Variants in SEMA3E observed in about 807,000 individuals in gnomAD.
SEMA3E encodes the protein semaphorin-3E.
Under a neutral mutation model 93.6 loss-of-function variants are expected in SEMA3E, and 49 were observed. The ratio of observed to expected loss-of-function variants is 0.52; its 90% CI spans 0.42 to 0.66. The LOEUF is 0.66. Ranked by LOEUF, SEMA3E falls within the 30% of genes least tolerant of loss-of-function variation. The probability of loss-of-function intolerance (pLI) is 0.00; values close to 1 mark genes in which losing one functional copy is unlikely to be tolerated. For synonymous variants in SEMA3E, 363 were observed against 330.7 expected, an observed-to-expected ratio of 1.10 and a Z score of -1.06; for missense variants, 906 against 964.8, an observed-to-expected ratio of 0.94 and a Z score of 0.81.
intron 5 of SEMA3E, among the ~76,000 whole-genome samples, chr7:83,411,134 T>C (rs940742619): frequency 2.3e-4 from 35 of 152,218 alleles, no homozygotes; most frequent in Middle Eastern, 6.8e-3. Context: ...ATTATCGTTT[T>C]AACCAATGCT....
chr7:83,533,320 T>TA (rs1791343187), intron 1 of SEMA3E, among the ~76,000 whole-genome samples: 1 of 152,076 alleles, frequency 6.6e-6, no homozygotes, highest in Non-Finnish European at 1.5e-5. Flanking sequence ...GGTGGGCAGA[T>TA]CACTTGAGGT....
intron 1 of SEMA3E, among the ~76,000 whole-genome samples, chr7:83,494,991 G>C (rs989083162): frequency 6.6e-6 from 1 of 151,822 alleles, no homozygotes; most frequent in African/African-American, 2.4e-5. Flanking sequence ...AATGTGTATG[G>C]GGTCAGAGCA....
rs1235976792 is a variant in SEMA3E at position 83,387,023 on chromosome 7, A to G, written c.1695T>C (p.His565=). The change falls in exon 15 of 17, where the codon CAT becomes CAC. Residue 565 remains histidine, a synonymous_variant. Coordinates refer to ENST00000643230, the MANE Select transcript of SEMA3E (RefSeq NM_012431.3). Reference sequence around the variant, plus strand: ...CAAAGCACTGCTGAGCTGCATTTCCATGTCGAACATCTTGTCTCCGGAAAC... The same window carrying G: ...CAAAGCACTGCTGAGCTGCATTTCCGTGTCGAACATCTTGTCTCCGGAAAC... ...KRRFRRQDVR[H]GNAAQQCFGQ... The G allele has an allele frequency of 1.7e-5, 27 of 1,613,352 alleles. No individual in the cohort carries two copies. Among genetic ancestry groups the G allele is most frequent in the South Asian group, 2.2e-5 (2 of 91,052 alleles).
At chr7:83,495,365 G>C (rs887723761) in intron 1 of SEMA3E, among the ~76,000 whole-genome samples, 1 of 151,780 alleles carries the variant, frequency 6.6e-6, no homozygotes, top group South Asian at 2.1e-4. Context: ...AGAGAAGAAT[G>C]CTTCTATTTC....
intron 1 of SEMA3E, among the ~76,000 whole-genome samples, chr7:83,623,928 T>G (rs1204364042): frequency 7.3e-6 from 1 of 137,276 alleles, no homozygotes; most frequent in Non-Finnish European, 1.5e-5. Flanking sequence ...CCTGTGCCCA[T>G]GTGTTCTCAT....
intron 1 of SEMA3E, among the ~76,000 whole-genome samples, chr7:83,639,489 G>A (rs1246449153): frequency 6.6e-6 from 1 of 151,792 alleles, no homozygotes; most frequent in Non-Finnish European, 1.5e-5. Flanking sequence ...AGCCCAGGCG[G>A]TAATTATAGC....
At chr7:83,420,262 A>C (rs756766124) in intron 4 of SEMA3E, among the ~76,000 whole-genome samples, 6 of 152,112 alleles carry the variant, frequency 3.9e-5, no homozygotes, top group Non-Finnish European at 7.4e-5. Flanking sequence ...CTACAAGGTG[A>C]AAGGCCTCTA....
At chr7:83,460,981 A>G (rs112927269) in intron 4 of SEMA3E, among the ~76,000 whole-genome samples, 4 of 152,110 alleles carry the variant, frequency 2.6e-5, no homozygotes, top group Admixed American at 6.5e-5. Context: ...TCAAAAACTT[A>G]AAAGCTCTTC....
intron 2 of SEMA3E, among the ~76,000 whole-genome samples, chr7:83,475,593 C>G (rs920917104): frequency 6.6e-6 from 1 of 152,110 alleles, no homozygotes; most frequent in African/African-American, 2.4e-5. Flanking sequence ...CGCATCACCC[C>G]CTGCAGGACC....
chr7:83,437,224 T>C (rs1430800013), intron 4 of SEMA3E, among the ~76,000 whole-genome samples: 1 of 152,110 alleles, frequency 6.6e-6, no homozygotes, highest in Admixed American at 6.5e-5. Flanking sequence ...ATAACTGGAT[T>C]GTCATCCAAA....
At chr7:83,420,437 A>C (rs1788650459) in intron 4 of SEMA3E, among the ~76,000 whole-genome samples, 1 of 152,198 alleles carries the variant, frequency 6.6e-6, no homozygotes, top group Non-Finnish European at 1.5e-5. Flanking sequence ...CATTTTTCAC[A>C]GAATTAGAAG....
chr7:83,572,524 A>G (rs957642448), intron 1 of SEMA3E, among the ~76,000 whole-genome samples: 3 of 152,272 alleles, frequency 2.0e-5, no homozygotes, highest in African/African-American at 7.2e-5. Context: ...TTGTAGTCCC[A>G]GCTACTTGGG....
intron 4 of SEMA3E, among the ~76,000 whole-genome samples, chr7:83,431,952 T>C (rs1018326161): frequency 4.7e-5 from 7 of 149,924 alleles, no homozygotes; most frequent in African/African-American, 1.7e-4. Flanking sequence ...TTGGTGACTT[T>C]TTTTTTTTTT....
At chr7:83,516,304 A>C (rs1452242222) in intron 1 of SEMA3E, among the ~76,000 whole-genome samples, 1 of 152,206 alleles carries the variant, frequency 6.6e-6, no homozygotes, top group African/African-American at 2.4e-5. Context: ...TTCTTTCTAA[A>C]CAGGCATTTA....
chr7:83,385,686 G>A (rs913460430), intron 15 of SEMA3E, among the ~76,000 whole-genome samples: 56 of 152,106 alleles, frequency 3.7e-4, no homozygotes, highest in Non-Finnish European at 3.8e-4. Flanking sequence ...GGACAGGATA[G>A]TCAAGGCAGT....
rs1234960868 is a variant in SEMA3E at position 83,366,376 on chromosome 7, A to G, written c.*1210T>C. On this transcript the variant is annotated 3_prime_UTR_variant, in exon 17 of 17. Coordinates refer to ENST00000643230, the MANE Select transcript of SEMA3E (RefSeq NM_012431.3). Reference sequence around the variant, plus strand: ...AATTGTTTTTTATAACATTTAAGAGAGAGGTAAAAATGCTCTGAATATCTC... The same window carrying G: ...AATTGTTTTTTATAACATTTAAGAGGGAGGTAAAAATGCTCTGAATATCTC... 7 of 152,132 alleles carry G rather than the reference A, an allele frequency of 4.6e-5. No individual in the cohort carries two copies. The highest frequency in any genetic ancestry group is 1.3e-4 in the Admixed American group (2 of 15,298). 9.4% of individuals were successfully genotyped at this position (152,132 alleles called of 1,614,324 possible).
intron 2 of SEMA3E, 69 bp from the exon 3 acceptor site, chr7:83,469,371 A>G (rs1008032433): frequency 9.4e-6 from 10 of 1,066,168 alleles, no homozygotes; most frequent in Non-Finnish European, 1.3e-5. Context: ...AAACCATTTC[A>G]CTTTCTTCTA....
intron 16 of SEMA3E, among the ~76,000 whole-genome samples, chr7:83,373,266 T>C (rs1562749678): frequency 6.6e-6 from 1 of 152,114 alleles, no homozygotes; most frequent in Admixed American, 6.5e-5. Context: ...AGGACAGACA[T>C]AGGCCTTGAA....
At chr7:83,412,624 T>C (rs1254786559) in intron 5 of SEMA3E, among the ~76,000 whole-genome samples, 1 of 151,022 alleles carries the variant, frequency 6.6e-6, no homozygotes, top group Non-Finnish European at 1.5e-5. Flanking sequence ...TAGCTGGGCA[T>C]GGGGGCCTAC....
Sources: gnomAD v4.1 joint callset for allele counts (sites outside exome capture counted in the v4.1 genomes callset) on GRCh38, gnomAD v4.1.1 for gene constraint, MANE v1.5 for transcripts, NCBI Gene and HGNC (gene_info 2026-07-23, HGNC 2026-07-21) for gene names.